LANCL2: variants seen among roughly 807,000 people sequenced by gnomAD.
LANCL2 encodes lanC-like protein 2.
In LANCL2, 33 loss-of-function variants were observed where a neutral mutation model predicts 56.9. The ratio of observed to expected loss-of-function variants is 0.58; its 90% CI spans 0.44 to 0.78. The LOEUF is 0.78. LANCL2 is among the 30% of genes least tolerant of loss of function. LANCL2 has a pLI of 0.00. For missense variants in LANCL2, 562 were observed against 580.2 expected, an observed-to-expected ratio of 0.97 and a Z score of 0.32; for synonymous variants, 233 against 228.2, an observed-to-expected ratio of 1.02 and a Z score of -0.19.
chr7:55,367,479 C>G (rs1178521563), intron 1 of LANCL2, among the ~76,000 whole-genome samples: 1 of 152,238 alleles, frequency 6.6e-6, no homozygotes, highest in Non-Finnish European at 1.5e-5. Flanking sequence ...AATCCCAGCA[C>G]TTTGGGAGGC....
intron 2 of LANCL2, among the ~76,000 whole-genome samples, chr7:55,394,997 G>A (rs1790234180): frequency 1.3e-5 from 2 of 152,322 alleles, no homozygotes; most frequent in African/African-American, 4.8e-5. Flanking sequence ...GGGAAGGAAG[G>A]AAGCAGTAGC....
intron 8 of LANCL2, among the ~76,000 whole-genome samples, chr7:55,428,989 G>A (rs561301357): frequency 6.6e-6 from 1 of 152,184 alleles, no homozygotes; most frequent in Non-Finnish European, 1.5e-5. Context: ...GAAGACAGGA[G>A]CACAAACAGA....
At chr7:55,388,649 T>C (rs1790152390) in intron 1 of LANCL2, among the ~76,000 whole-genome samples, 1 of 152,236 alleles carries the variant, frequency 6.6e-6, no homozygotes, top group Non-Finnish European at 1.5e-5. Context: ...CTTTATCCTT[T>C]ATCTCCATCA....
intron 5 of LANCL2, among the ~76,000 whole-genome samples, chr7:55,409,332 A>G (rs815978): frequency 0.72 from 109,776 of 151,552 alleles, 40,238 homozygotes; most frequent in African/African-American, 0.83. Context: ...CTCATGATCC[A>G]CCCGCCTCGG....
chr7:55,415,367 A>T (rs1042733838), intron 6 of LANCL2, among the ~76,000 whole-genome samples: 11 of 152,186 alleles, frequency 7.2e-5, no homozygotes, highest in Non-Finnish European at 1.5e-4. Flanking sequence ...CCCCAGAGAG[A>T]ACTGCATTGG....
intron 1 of LANCL2, among the ~76,000 whole-genome samples, chr7:55,374,863 A>G (rs114307439): frequency 0.012 from 1,841 of 152,320 alleles, 37 homozygotes; most frequent in African/African-American, 0.042. Context: ...TGAGTCAAAA[A>G]GCTATTTTTA....
rs1164375126 is a variant in LANCL2, at chr7:55,432,333, T to A, written c.*1013T>A. ...TTGGAATGAATGCATTTCCTATTTT[T>A]TGTCTACTTTTGGGTGATAAAAAGT... is the stretch of plus-strand genomic sequence containing the variant. On this transcript the variant is annotated 3_prime_UTR_variant, in exon 9 of 9. Coordinates refer to ENST00000254770, the MANE Select transcript of LANCL2 (RefSeq NM_018697.4). 1 of 152,248 alleles carries A rather than the reference T, an allele frequency of 6.6e-6. No homozygotes were observed. Among genetic ancestry groups the A allele is most frequent in the Admixed American group, 6.5e-5 (1 of 15,290 alleles). The allele number at this position is 152,248 out of a possible 1,614,324, so 9.4% of individuals were successfully genotyped here. A position where few individuals can be genotyped will look rare whatever the true frequency, so the allele number is the denominator to read the frequency against.
rs564742850 is a variant in LANCL2 at position 55,413,908 on chromosome 7, A to G, written c.1008+1819A>G. Reference sequence around the variant, plus strand: ...GGCATCAGTGGTAATTTGAAAAAGCATATATATTTTGTATTTCAAAATAGC... The same window carrying G: ...GGCATCAGTGGTAATTTGAAAAAGCGTATATATTTTGTATTTCAAAATAGC... On this transcript the variant is annotated intron_variant, in intron 6 of 8. Transcript: ENST00000254770. 4.8e-3 allele frequency among the ~76,000 whole-genome samples: 729 copies of G among 152,368 alleles called. 2 individuals are homozygous for G. The highest frequency in any genetic ancestry group is 7.0e-3 in the Non-Finnish European group (478 of 68,038).
At chr7:55,370,447 C>G (rs189908411) in intron 1 of LANCL2, among the ~76,000 whole-genome samples, 1 of 152,362 alleles carries the variant, frequency 6.6e-6, no homozygotes, top group Non-Finnish European at 1.5e-5. Flanking sequence ...GTAGAGTCCT[C>G]AGCCAGGGCT....
rs1381332656 is a variant in LANCL2, at chr7:55,432,829, T to G, written c.*1509T>G. ...CTTGCTCCTGAGTCATTATTTTCTT[T>G]CATGTTAGATTGATGACTTCTGTGA... On this transcript the variant is annotated 3_prime_UTR_variant, in exon 9 of 9. Coordinates refer to ENST00000254770, the MANE Select transcript of LANCL2 (RefSeq NM_018697.4). The G allele has an allele frequency of 6.6e-6, 1 of 152,214 alleles. No homozygotes were observed. Among genetic ancestry groups the G allele is most frequent in the Non-Finnish European group, 1.5e-5 (1 of 68,048 alleles). The allele number at this position is 152,214 out of a possible 1,614,324, so 9.4% of individuals were successfully genotyped here.
chr7:55,382,728 C>A (rs1790083142), intron 1 of LANCL2, among the ~76,000 whole-genome samples: 1 of 152,098 alleles, frequency 6.6e-6, no homozygotes, highest in South Asian at 2.1e-4. Context: ...CATCAGAAGG[C>A]AGGGTCTGAA....
At chr7:55,378,781 A>G (rs1461151865) in intron 1 of LANCL2, among the ~76,000 whole-genome samples, 2 of 152,214 alleles carry the variant, frequency 1.3e-5, no homozygotes, top group African/African-American at 4.8e-5. Context: ...AGGTTTTTGC[A>G]ATTAAATTCT....
chr7:55,421,665 T>C (rs1001143184), intron 6 of LANCL2, among the ~76,000 whole-genome samples: 1 of 151,728 alleles, frequency 6.6e-6, no homozygotes, highest in East Asian at 2.0e-4. Context: ...TCTTTAACTG[T>C]ATCTATTTGC....
At chr7:55,398,808 G>C (rs899349830) in intron 3 of LANCL2, among the ~76,000 whole-genome samples, 178 bp downstream of exon 3, 2 of 152,204 alleles carry the variant, frequency 1.3e-5, no homozygotes, top group Admixed American at 1.3e-4. Context: ...CCAAGCATGT[G>C]TGTGCCTTAA....
chr7:55,380,010 G>C (rs776137328), intron 1 of LANCL2, among the ~76,000 whole-genome samples: 4 of 152,106 alleles, frequency 2.6e-5, no homozygotes, highest in Non-Finnish European at 5.9e-5. Flanking sequence ...CTCAGCTTTC[G>C]CTATAAGGGA....
At chr7:55,366,512 A>G (rs749509284) in intron 1 of LANCL2, among the ~76,000 whole-genome samples, 39 of 152,264 alleles carry the variant, frequency 2.6e-4, no homozygotes, top group Non-Finnish European at 4.0e-4. Flanking sequence ...GCGCTTCGCA[A>G]TGCGGGCTTG....
chr7:55,412,646 C>T (rs542749227), intron 6 of LANCL2, among the ~76,000 whole-genome samples: 4 of 152,232 alleles, frequency 2.6e-5, no homozygotes, highest in South Asian at 4.1e-4. Context: ...ATATTAAGAG[C>T]GCTATTGATT....
At position 55,431,085 on chromosome 7, in the gene LANCL2, G is replaced by A. The variant is rs142198607; in HGVS notation, c.1259-141G>A. ...AGGTGCTAAATATAAGGATATCTTT[G>A]GTTTTTAATGAAGTCATCTTTAGAG... On this transcript the variant is annotated intron_variant, in intron 8 of 8. Transcript: ENST00000254770. 512 of 460,866 alleles carry A rather than the reference G, an allele frequency of 1.1e-3. 6 individuals carry two copies. The highest frequency in any genetic ancestry group is 3.4e-5 in the Non-Finnish European group (9 of 264,682). The allele number at this position is 460,866 out of a possible 1,614,324, so 28.5% of individuals were successfully genotyped here.
At chr7:55,371,123 A>G (rs1007691300) in intron 1 of LANCL2, among the ~76,000 whole-genome samples, 7 of 152,084 alleles carry the variant, frequency 4.6e-5, no homozygotes, top group African/African-American at 1.7e-4. Context: ...AGAGCTCTAG[A>G]CTTGTTTGTC....
Sources: gnomAD v4.1 joint callset for allele counts (sites outside exome capture counted in the v4.1 genomes callset) on GRCh38, gnomAD v4.1.1 for gene constraint, MANE v1.5 for transcripts, NCBI Gene and HGNC (gene_info 2026-07-23, HGNC 2026-07-21) for gene names.